Variants in GPR158 observed in about 807,000 individuals in gnomAD.
GPR158 encodes metabotropic glycine receptor.
GPR158 carries 30 observed loss-of-function variants against 78.2 expected under a neutral mutation model. That is an observed-to-expected ratio of 0.38 (90% CI 0.29 to 0.52). GPR158 has a LOEUF of 0.52. Among genes scored for constraint, GPR158 ranks in the 20% least tolerant of loss-of-function variants. GPR158 has a pLI of 0.83. For synonymous variants in GPR158, 581 were observed against 591.1 expected (o/e 0.98, Z 0.25); for missense variants, 1,463 against 1,523.5 (o/e 0.96, Z 0.66).
chr10:25,462,007 T>C (rs1260113101), intron 4 of GPR158, among the ~76,000 whole-genome samples: 1 of 152,184 alleles, frequency 6.6e-6, no homozygotes, highest in African/African-American at 2.4e-5. Context: ...CCCAACGTGC[T>C]GGGATTACAG....
rs576812542 is a variant in GPR158, at chr10:25,208,786, G to C, written c.903-12266G>C. 4.6e-5 allele frequency among the ~76,000 whole-genome samples: 7 copies of C among 151,882 alleles called. No individual in the cohort carries two copies. The South Asian group carries it at 1.5e-3, about 32-fold the overall frequency. On this transcript the variant is annotated intron_variant, in intron 1 of 10. Coordinates refer to ENST00000376351, the MANE Select transcript of GPR158 (RefSeq NM_020752.3). ...GCAAACCCACTAGAGCACAGGTTTG[G>C]GATTACTTGGAGACTGTACAGGAGA...
intron 2 of GPR158, among the ~76,000 whole-genome samples, chr10:25,256,975 C>T (rs1853897236): frequency 6.6e-6 from 1 of 152,132 alleles, no homozygotes; most frequent in Admixed American, 6.5e-5. Context: ...GTCTCAGGTA[C>T]AGATTAGTGG....
At chr10:25,317,716 G>GTTTTTTTTTTTTTTTTTTTTTTTT (rs756759445) in intron 2 of GPR158, among the ~76,000 whole-genome samples, 15 of 134,070 alleles carry the variant, frequency 1.1e-4, no homozygotes, top group African/African-American at 1.6e-4. Flanking sequence ...TTCGTAAAGT[G>GTTTTTTTTTTTTTTTTTTTTTTTT]TTTTTTTTTG....
rs1307148552 is a variant in GPR158 at position 25,598,646 on chromosome 10, G to C, written c.3020G>C (p.Cys1007Ser). ...MKDNFDIGEV[C>S]PWEVYDLTPG... ...GACAACTTTGACATTGGGGAGGTGTGTCCTTGGGAGGTTTATGACCTGACC... is the reference window on the plus strand; with the variant it reads ...GACAACTTTGACATTGGGGAGGTGTCTCCTTGGGAGGTTTATGACCTGACC... The change falls in exon 11 of 11, where the codon TGT becomes TCT. Residue 1007 changes from cysteine (C) to serine (S), a missense_variant. Cys to Ser is a moderately radical substitution (Grantham distance 112, BLOSUM62 -1). Transcript: ENST00000376351. 6.2e-7 allele frequency: 1 copy of C among 1,613,944 alleles called. No individual in the cohort carries two copies. Among genetic ancestry groups the C allele is most frequent in the African/African-American group, 1.3e-5 (1 of 74,876 alleles).
In GPR158 at chr10:25,519,886, C is replaced by A. The variant is rs1408494021; in HGVS notation, c.1405-31090C>A. On this transcript the variant is annotated intron_variant, in intron 5 of 10. Transcript: ENST00000376351. ...CTCCTCTCGAGGAGTATCTTTGTGG[C>A]GTTCTCTGTATTTCCTGAATCTGAA... 6.1e-5 allele frequency among the ~76,000 whole-genome samples: 4 copies of A among 65,974 alleles called. 1 individual carries two copies. In the Admixed American group the frequency reaches 7.0e-4, roughly 12 times the overall value. The allele number at this position is 65,974 out of a possible 152,430, so 43.3% of individuals were successfully genotyped here. A position where few individuals can be genotyped will look rare whatever the true frequency, so the allele number is the denominator to read the frequency against.
intron 2 of GPR158, among the ~76,000 whole-genome samples, chr10:25,223,875 A>C (rs1853335936): frequency 6.6e-6 from 1 of 152,218 alleles, no homozygotes. Context: ...GAAAGTTACA[A>C]ATTTCAAAGT....
In GPR158 at chr10:25,215,670, A is replaced by G. The variant is rs368048950; in HGVS notation, c.903-5382A>G. ...GCCAACATAGTGAAACCCAGTCTCTACTAAAAATACAAAAATTAGCAGGGC... is the reference window on the plus strand; with the variant it reads ...GCCAACATAGTGAAACCCAGTCTCTGCTAAAAATACAAAAATTAGCAGGGC... On this transcript the variant is annotated intron_variant, in intron 1 of 10. Transcript: ENST00000376351. Among the ~76,000 whole-genome samples the G allele has an allele frequency of 1.2e-4, 18 of 152,264 alleles. No individual in the cohort carries two copies. The East Asian group carries it at 1.5e-3, about 13-fold the overall frequency.
At chr10:25,508,140 C>G (rs1836038810) in intron 5 of GPR158, among the ~76,000 whole-genome samples, 1 of 151,984 alleles carries the variant, frequency 6.6e-6, no homozygotes, top group South Asian at 2.1e-4. Flanking sequence ...AGAATTTAAT[C>G]TTTTTATTTA....
Position 25,175,812 on chromosome 10 carries a change from A to C in GPR158, c.392A>C (p.His131Pro), listed in dbSNP as rs781440767. ...SLHRALDTLT[H>P]ATNFLNVMLQ... ...CACCGGGCGCTGGACACACTGACAC[A>C]CGCCACCAACTTCCTCAACGTGATG... The change falls in exon 1 of 11, where the codon CAC (histidine) becomes CCC (proline). Residue 131 changes from histidine (H) to proline (P), a missense_variant. By Grantham distance (77) the His-to-Pro change is moderately conservative. Transcript: ENST00000376351. This position sits in a 1 kb window ranked among gnomAD's most constrained non-coding sequence, Gnocchi z 6.4. The C allele has an allele frequency of 6.2e-7, 1 of 1,612,402 alleles. No individual in the cohort carries two copies. Among genetic ancestry groups the C allele is most frequent in the South Asian group, 1.1e-5 (1 of 91,090 alleles).
chr10:25,265,507 A>G (rs1195500976), intron 2 of GPR158, among the ~76,000 whole-genome samples: 1 of 152,118 alleles, frequency 6.6e-6, no homozygotes, highest in Non-Finnish European at 1.5e-5. Context: ...ATGAATTTTA[A>G]TAATGCAGCC....
intron 2 of GPR158, among the ~76,000 whole-genome samples, chr10:25,245,287 C>A (rs1853673770): frequency 6.6e-6 from 1 of 152,184 alleles, no homozygotes; most frequent in Admixed American, 6.5e-5. Flanking sequence ...TAGATCAGGT[C>A]TTTAAGGGTG....
Position 25,205,980 on chromosome 10 carries a change from G to T in GPR158, c.903-15072G>T, listed in dbSNP as rs1007393203. On this transcript the variant is annotated intron_variant, in intron 1 of 10. Coordinates refer to ENST00000376351, the MANE Select transcript of GPR158 (RefSeq NM_020752.3). Reference sequence around the variant, plus strand: ...AAGTGTTGAGTTCACATCCAAATGTGGGTCCCTCTTTTTTTTTTTTTTTTG... The same window carrying T: ...AAGTGTTGAGTTCACATCCAAATGTTGGTCCCTCTTTTTTTTTTTTTTTTG... 7.0e-5 allele frequency among the ~76,000 whole-genome samples: 9 copies of T among 128,138 alleles called. No homozygotes were observed. The Admixed American group carries it at 7.9e-4, about 11-fold the overall frequency. 84.1% of individuals were successfully genotyped at this position (128,138 alleles called of 152,430 possible).
intron 2 of GPR158, among the ~76,000 whole-genome samples, chr10:25,233,138 A>G (rs983296853): frequency 6.6e-6 from 1 of 152,208 alleles, no homozygotes; most frequent in African/African-American, 2.4e-5. Flanking sequence ...AGTCTGGAGG[A>G]GGATTTTGGT....
At chr10:25,293,745 A>AT (rs5783917) in intron 2 of GPR158, among the ~76,000 whole-genome samples, 5,578 of 144,718 alleles carry the variant, frequency 0.039, 154 homozygotes, top group Middle Eastern at 0.081. Flanking sequence ...TAAACCTGTA[A>AT]TTTTTTTTTT....
intron 5 of GPR158, among the ~76,000 whole-genome samples, chr10:25,477,618 C>G (rs1041718310): frequency 6.6e-6 from 1 of 152,054 alleles, no homozygotes; most frequent in Non-Finnish European, 1.5e-5. Context: ...TTAAGCTGAT[C>G]CGTAGAATCC....
At chr10:25,373,460 A>G (rs1211108029) in intron 2 of GPR158, among the ~76,000 whole-genome samples, 1 of 151,956 alleles carries the variant, frequency 6.6e-6, no homozygotes, top group Non-Finnish European at 1.5e-5. Context: ...GATGAGATTT[A>G]AATCTACCGT....
intron 4 of GPR158, among the ~76,000 whole-genome samples, chr10:25,427,662 A>G (rs556164971): frequency 6.6e-6 from 1 of 152,114 alleles, no homozygotes. Flanking sequence ...CATACCACCT[A>G]GAAGTACTTG....
At chr10:25,593,938 G>C (rs1837370882) in intron 8 of GPR158, among the ~76,000 whole-genome samples, 1 of 151,938 alleles carries the variant, frequency 6.6e-6, no homozygotes, top group Non-Finnish European at 1.5e-5. Flanking sequence ...TATTACAACT[G>C]ATAACTCTAC....
intron 1 of GPR158, among the ~76,000 whole-genome samples, chr10:25,178,887 A>T (rs1852577036): frequency 6.6e-6 from 1 of 152,240 alleles, no homozygotes; most frequent in South Asian, 2.1e-4. Context: ...CAGAAATGGG[A>T]TCCAGGCCTT....
Sources: gnomAD v4.1 joint callset for allele counts (sites outside exome capture counted in the v4.1 genomes callset) on GRCh38, gnomAD v4.1.1 for gene constraint, Gnocchi (gnomAD v3.1) non-coding constraint, MANE v1.5 for transcripts, NCBI Gene and HGNC (gene_info 2026-07-23, HGNC 2026-07-21) for gene names.